SLC35H1: variants seen among roughly 807,000 people sequenced by gnomAD.
The protein encoded by SLC35H1 is solute carrier family 35 member H1.
chr20:46,352,141 GC>G, the SLC35H1 span: 1 of 1,614,208 alleles, frequency 6.2e-7, no homozygotes, highest in Non-Finnish European at 8.5e-7. Flanking sequence ...CGAGAATCCC[GC>G]CAAGGAAGAG....
chr20:46,354,163 C>T, the SLC35H1 span, among the ~76,000 whole-genome samples: 1 of 152,202 alleles, frequency 6.6e-6, no homozygotes, highest in East Asian at 1.9e-4. Flanking sequence ...ACCATGTCCC[C>T]AGGCTCCTGT....
At chr20:46,359,263 A>T in the SLC35H1 span, among the ~76,000 whole-genome samples, 2 of 152,056 alleles carry the variant, frequency 1.3e-5, no homozygotes, top group Non-Finnish European at 2.9e-5. Context: ...AGGGAACCCC[A>T]CCCCATCCCC....
At chr20:46,348,899 T>C in the SLC35H1 span, 1 of 152,266 alleles carries the variant, frequency 6.6e-6, no homozygotes, top group Non-Finnish European at 1.5e-5. Flanking sequence ...AGACGCCATA[T>C]GGTCCCCAAA....
chr20:46,358,486 A>G, the SLC35H1 span: 4 of 1,614,234 alleles, frequency 2.5e-6, no homozygotes, highest in Admixed American at 1.7e-5. Context: ...AAAAGGCCAC[A>G]TCGAGGGCCC....
At chr20:46,352,263 C>G in the SLC35H1 span, 1 of 1,603,340 alleles carries the variant, frequency 6.2e-7, no homozygotes, top group Non-Finnish European at 8.5e-7. Context: ...GAGGCCGGGT[C>G]CTGGGCTGCC....
chr20:46,352,479 G>A, the SLC35H1 span: 1 of 466,782 alleles, frequency 2.1e-6, no homozygotes, highest in Non-Finnish European at 3.9e-6. Flanking sequence ...CTAGCAGGAT[G>A]ATGCGGATCC....
the SLC35H1 span, chr20:46,350,981 C>T: frequency 6.6e-7 from 1 of 1,512,080 alleles, no homozygotes; most frequent in Non-Finnish European, 9.0e-7. Flanking sequence ...TAGGTACACT[C>T]AGGTGGGCAG....
the SLC35H1 span, chr20:46,357,582 C>G: frequency 6.3e-7 from 1 of 1,595,470 alleles, no homozygotes; most frequent in Non-Finnish European, 8.6e-7. Flanking sequence ...GGTTCCCCAG[C>G]CCCTCTTCCT....
chr20:46,352,295 A>G, the SLC35H1 span: 1 of 1,379,702 alleles, frequency 7.2e-7, no homozygotes, highest in Non-Finnish European at 1.0e-6. Flanking sequence ...AATGCCAACC[A>G]CACAAGATCT....
At chr20:46,359,639 C>A in the SLC35H1 span, among the ~76,000 whole-genome samples, 2 of 152,200 alleles carry the variant, frequency 1.3e-5, no homozygotes, top group Non-Finnish European at 2.9e-5. Flanking sequence ...CACTCCCAGC[C>A]TCCCTGTCAA....
At chr20:46,359,286 CT>C in the SLC35H1 span, among the ~76,000 whole-genome samples, 2 of 152,170 alleles carry the variant, frequency 1.3e-5, no homozygotes, top group Non-Finnish European at 2.9e-5. Flanking sequence ...AATCAGTCCC[CT>C]GAGATACATG....
chr20:46,350,894 G>A, the SLC35H1 span: 4 of 1,613,750 alleles, frequency 2.5e-6, no homozygotes, highest in Non-Finnish European at 2.5e-6. Flanking sequence ...AGACTTCCTG[G>A]GGGCAGAGAA....
At chr20:46,356,989 G>A in the SLC35H1 span, among the ~76,000 whole-genome samples, 1 of 152,262 alleles carries the variant, frequency 6.6e-6, no homozygotes, top group East Asian at 1.9e-4. Flanking sequence ...CGGGGAATCC[G>A]GCCTCCAGGA....
chr20:46,353,244 T>G, the SLC35H1 span: 1 of 152,244 alleles, frequency 6.6e-6, no homozygotes, highest in African/African-American at 2.4e-5. Flanking sequence ...GTGGTATCAC[T>G]TGATGAACAT....
chr20:46,350,259 C>T, the SLC35H1 span: 3 of 1,106,472 alleles, frequency 2.7e-6, no homozygotes, highest in Non-Finnish European at 3.8e-6. Context: ...TCATGAGTCC[C>T]TGGCTTGGCC....
chr20:46,356,255 C>T, the SLC35H1 span, among the ~76,000 whole-genome samples: 3 of 152,212 alleles, frequency 2.0e-5, no homozygotes, highest in Non-Finnish European at 2.9e-5. Context: ...GCTGCGGCTG[C>T]GTGTACCACC....
At chr20:46,356,554 A>T in the SLC35H1 span, 1 of 1,613,550 alleles carries the variant, frequency 6.2e-7, no homozygotes, top group Non-Finnish European at 8.5e-7. Context: ...GGGAGGCAGC[A>T]GGGCATGGCC....
chr20:46,350,815 G>A, the SLC35H1 span: 2 of 1,614,088 alleles, frequency 1.2e-6, no homozygotes, highest in South Asian at 2.2e-5. Context: ...GAGAGGCAGA[G>A]GGCGAAGCCC....
At chr20:46,350,840 G>A in the SLC35H1 span, 3 of 1,613,918 alleles carry the variant, frequency 1.9e-6, no homozygotes, top group African/African-American at 4.0e-5. Flanking sequence ...AGTTCAGGAG[G>A]CTGATCTGAT....
Sources: allele counts gnomAD v4.1 joint callset (sites outside exome capture counted in the v4.1 genomes callset), GRCh38; gene constraint gnomAD v4.1.1; transcripts MANE v1.5; gene names NCBI Gene and HGNC (gene_info 2026-07-23, HGNC 2026-07-21).